Variants in SYT14 observed in about 807,000 individuals in gnomAD.
The protein encoded by SYT14 is synaptotagmin-14.
Under a neutral mutation model 74.2 loss-of-function variants are expected in SYT14, and 32 were observed. That is an observed-to-expected ratio of 0.43 (90% CI 0.33 to 0.58). The LOEUF is 0.58. SYT14 is among the 20% of genes least tolerant of loss of function. The pLI is 0.05. For missense variants in SYT14, 791 were observed against 981.8 expected (o/e 0.81, Z 2.60); for synonymous variants, 298 against 337.7 (o/e 0.88, Z 1.29).
intron 7 of SYT14, among the ~76,000 whole-genome samples, chr1:210,150,413 A>T (rs1381209856): frequency 6.6e-6 from 1 of 152,174 alleles, no homozygotes; most frequent in Non-Finnish European, 1.5e-5. Flanking sequence ...TACAGTGTGG[A>T]GGATGGAAAG....
At chr1:209,951,517 T>G (rs1009283171) in intron 1 of SYT14, among the ~76,000 whole-genome samples, 1 of 152,220 alleles carries the variant, frequency 6.6e-6, no homozygotes, top group Non-Finnish European at 1.5e-5. Context: ...TACCACATTT[T>G]CTTTATCCAT....
At chr1:209,981,753 AC>A (rs1421451402) in intron 2 of SYT14, among the ~76,000 whole-genome samples, 1 of 151,914 alleles carries the variant, frequency 6.6e-6, no homozygotes, top group East Asian at 1.9e-4. Flanking sequence ...ACTATGCCTG[AC>A]CCAGACTTTC....
At chr1:210,056,558 G>C (rs770749698) in intron 5 of SYT14, among the ~76,000 whole-genome samples, 1 of 150,968 alleles carries the variant, frequency 6.6e-6, no homozygotes, top group Non-Finnish European at 1.5e-5. Flanking sequence ...GCTCATGCCT[G>C]TAATCCCAGC....
intron 5 of SYT14, among the ~76,000 whole-genome samples, chr1:210,064,558 A>G (rs1175963399): frequency 3.9e-5 from 6 of 152,064 alleles, no homozygotes; most frequent in Admixed American, 3.9e-4. Context: ...TTCATTTAGC[A>G]TAATGTCTCC....
At chr1:210,089,039 C>T (rs2081806406) in intron 5 of SYT14, among the ~76,000 whole-genome samples, 1 of 152,132 alleles carries the variant, frequency 6.6e-6, no homozygotes, top group South Asian at 2.1e-4. Context: ...AGCCCTCCAT[C>T]CCCTGACATG....
chr1:209,975,447 T>G (rs1157101092), intron 2 of SYT14, among the ~76,000 whole-genome samples: 2 of 152,230 alleles, frequency 1.3e-5, no homozygotes, highest in Non-Finnish European at 2.9e-5. Flanking sequence ...AGGCCTTTTC[T>G]GCATCTATTG....
chr1:210,069,624 TTTG>T (rs1572245728), intron 5 of SYT14, among the ~76,000 whole-genome samples: 2 of 151,650 alleles, frequency 1.3e-5, no homozygotes, highest in East Asian at 4.2e-4. Flanking sequence ...AAAATTGGTA[TTTG>T]TTAAGTTATC....
intron 7 of SYT14, among the ~76,000 whole-genome samples, chr1:210,132,206 C>G (rs1378019694): frequency 6.6e-6 from 1 of 152,100 alleles, no homozygotes; most frequent in Non-Finnish European, 1.5e-5. Flanking sequence ...TGGAAATGTT[C>G]TCCTTATTCT....
At position 210,076,979 on chromosome 1, in the gene SYT14, A is replaced by G. The variant is rs72649950; in HGVS notation, c.1313-17343A>G. On this transcript the variant is annotated intron_variant, in intron 5 of 9. Coordinates refer to ENST00000637265, the Ensembl canonical transcript of SYT14. ...TTGTTACTGGTTTCTTTCACTTAGC[A>G]TAGTGTTTTGAAGGTTCTTCCTTAT... 0.016 allele frequency among the ~76,000 whole-genome samples: 2,487 copies of G among 152,262 alleles called. 193 individuals are homozygous for G. In the East Asian group the frequency reaches 0.25, roughly 15 times the overall value.
At chr1:210,170,919 T>C (rs749919672) in exon 10 of SYT14, 3 of 152,132 alleles carry the variant, frequency 2.0e-5, no homozygotes, top group Admixed American at 6.5e-5. Context: ...TTAAAAATAT[T>C]CTCCTTTAAA....
chr1:209,999,960 T>C, intron 2 of SYT14, among the ~76,000 whole-genome samples: 1 of 152,282 alleles, frequency 6.6e-6, no homozygotes, highest in Admixed American at 6.5e-5. Flanking sequence ...TACCTTAAAG[T>C]ACTCCAACTT....
intron 4 of SYT14, among the ~76,000 whole-genome samples, chr1:210,017,283 G>A (rs1161756613): frequency 6.6e-6 from 1 of 152,142 alleles, no homozygotes; most frequent in East Asian, 1.9e-4. Flanking sequence ...CATTTCAAGA[G>A]CATTCATGTT....
chr1:210,073,236 T>C (rs1246442693), intron 5 of SYT14, among the ~76,000 whole-genome samples: 1 of 151,998 alleles, frequency 6.6e-6, no homozygotes, highest in African/African-American at 2.4e-5. Flanking sequence ...TTTTAAAATG[T>C]AAGCCCTTTC....
intron 5 of SYT14, among the ~76,000 whole-genome samples, chr1:210,086,954 C>G (rs906958209): frequency 6.6e-6 from 1 of 152,158 alleles, no homozygotes; most frequent in South Asian, 2.1e-4. Context: ...TTTGATCAGT[C>G]TGCACACATG....
intron 2 of SYT14, among the ~76,000 whole-genome samples, chr1:209,985,265 C>T (rs547929356): frequency 1.3e-5 from 2 of 152,354 alleles, no homozygotes; most frequent in South Asian, 4.1e-4. Context: ...ATTGGGTAAA[C>T]ATTTCCATTC....
intron 7 of SYT14, among the ~76,000 whole-genome samples, chr1:210,111,453 T>G (rs1202340938): frequency 6.6e-6 from 1 of 151,356 alleles, no homozygotes; most frequent in Non-Finnish European, 1.5e-5. Context: ...AGGCCTGACA[T>G]TGTTTTCTTA....
At chr1:210,075,010 G>A (rs1419086056) in intron 5 of SYT14, among the ~76,000 whole-genome samples, 2 of 152,214 alleles carry the variant, frequency 1.3e-5, no homozygotes, top group African/African-American at 2.4e-5. Context: ...TGGGCTTGGA[G>A]AATGAGTACA....
chr1:209,978,417 T>G (rs2079411956), intron 2 of SYT14, among the ~76,000 whole-genome samples: 1 of 152,202 alleles, frequency 6.6e-6, no homozygotes, highest in Non-Finnish European at 1.5e-5. Context: ...TAGTTTTCCT[T>G]CTAACATTCA....
At chr1:210,121,698 G>A (rs1198153946) in intron 7 of SYT14, among the ~76,000 whole-genome samples, 3 of 151,684 alleles carry the variant, frequency 2.0e-5, no homozygotes, top group Non-Finnish European at 4.4e-5. Flanking sequence ...GGAGGCTGAG[G>A]CAGGAGAATG....
Sources: allele counts gnomAD v4.1 joint callset (sites outside exome capture counted in the v4.1 genomes callset), GRCh38; gene constraint gnomAD v4.1.1; transcripts MANE v1.5; gene names NCBI Gene and HGNC (gene_info 2026-07-23, HGNC 2026-07-21).